Variants in ELF2 observed in about 807,000 individuals in gnomAD.
ELF2 encodes the protein E74 like ETS transcription factor 2.
ELF2 carries 11 observed loss-of-function variants against 54.8 expected under a neutral mutation model. The ratio of observed to expected loss-of-function variants is 0.20; its 90% CI spans 0.13 to 0.33. The LOEUF is 0.33. Ranked by LOEUF, ELF2 falls within the 10% of genes least tolerant of loss-of-function variation. The probability of loss-of-function intolerance (pLI) is 1.00; values close to 1 mark genes in which losing one functional copy is unlikely to be tolerated. For synonymous variants in ELF2, 203 were observed against 245.1 expected (o/e 0.83, Z 1.61); for missense variants, 513 against 703.0 (o/e 0.73, Z 3.06).
intron 4 of ELF2, among the ~76,000 whole-genome samples, chr4:139,095,573 T>TC (rs1320323990): frequency 6.6e-6 from 1 of 152,148 alleles, no homozygotes; most frequent in East Asian, 1.9e-4. Flanking sequence ...TTTAACAAAT[T>TC]TTTTTTAAAT....
At chr4:139,084,272 G>T in intron 4 of ELF2, 2 of 1,604,460 alleles carry the variant, frequency 1.2e-6, no homozygotes, top group Non-Finnish European at 1.7e-6. Flanking sequence ...GGAACCCGCG[G>T]CCGGAGACAC....
intron 4 of ELF2, among the ~76,000 whole-genome samples, chr4:139,082,295 C>A (rs970796992): frequency 6.6e-6 from 1 of 152,140 alleles, no homozygotes; most frequent in African/African-American, 2.4e-5. Flanking sequence ...CTTCACGTAT[C>A]GTTAGTACCA....
chr4:139,148,316 A>ATTTTTTTTTTTTT (rs772079635), intron 1 of ELF2, among the ~76,000 whole-genome samples: 1 of 64,532 alleles, frequency 1.5e-5, no homozygotes, highest in Non-Finnish European at 2.8e-5. Flanking sequence ...TACCTGGCTA[A>ATTTTTTTTTTTTT]TTTTTTTTTT....
chr4:139,159,654 T>A (rs570633122), intron 1 of ELF2, among the ~76,000 whole-genome samples: 1 of 152,140 alleles, frequency 6.6e-6, no homozygotes, highest in South Asian at 2.1e-4. Context: ...TGTCCTGAAA[T>A]GATGGGATCT....
chr4:139,059,521 G>A lies in ELF2; in HGVS notation c.1244C>T (p.Ala415Val), dbSNP rs772612721. The stretch of plus-strand genomic sequence containing the variant: ...AGTGCTGGTTATTAATGGTGCACCT[G>A]CATTAACTGACTGAACTGCCACAGT... ...ISTVAVQSVNAGAPLITSTSP... is the reference protein window; with the variant it reads ...ISTVAVQSVNVGAPLITSTSP... The change falls in exon 10 of 10, where the codon GCA (alanine) becomes GTA (valine). Residue 415 changes from alanine (A) to valine (V), a missense_variant. Transcript: ENST00000686138. 1 of 1,613,852 alleles carries A rather than the reference G, an allele frequency of 6.2e-7. No homozygotes were observed. The highest frequency in any genetic ancestry group is 2.2e-5 in the East Asian group (1 of 44,890).
intron 4 of ELF2, among the ~76,000 whole-genome samples, chr4:139,113,722 G>A (rs1735224496): frequency 6.6e-6 from 1 of 151,864 alleles, no homozygotes; most frequent in South Asian, 2.1e-4. Context: ...AGGCCTGGTG[G>A]TGGGCACCTG....
intron 1 of ELF2, among the ~76,000 whole-genome samples, chr4:139,159,709 G>A (rs1001815526): frequency 2.0e-5 from 3 of 152,176 alleles, no homozygotes; most frequent in Non-Finnish European, 4.4e-5. Flanking sequence ...ATCAGCGTAA[G>A]CCTTGACCTG....
intron 4 of ELF2, among the ~76,000 whole-genome samples, chr4:139,102,888 T>G (rs953132853): frequency 2.3e-5 from 3 of 131,648 alleles, no homozygotes; most frequent in Admixed American, 7.3e-5. Flanking sequence ...GACATAAATG[T>G]TTTTTTTTTT....
intron 4 of ELF2, among the ~76,000 whole-genome samples, chr4:139,099,499 A>C (rs1733647999): frequency 6.6e-6 from 1 of 152,344 alleles, no homozygotes; most frequent in Middle Eastern, 3.4e-3. Context: ...AATTCAGGTA[A>C]GTCAACTGAT....
intron 9 of ELF2, 100 bp downstream of exon 9, chr4:139,060,224 T>C: frequency 9.2e-7 from 1 of 1,083,722 alleles, no homozygotes; most frequent in Non-Finnish European, 1.3e-6. Context: ...CAACACTGGG[T>C]TCTTAGAACA....
chr4:139,086,461 A>G (rs1017200527), intron 4 of ELF2, among the ~76,000 whole-genome samples: 4 of 152,218 alleles, frequency 2.6e-5, no homozygotes, highest in Non-Finnish European at 5.9e-5. Flanking sequence ...TATTTCATAT[A>G]TTTTATACTA....
chr4:139,147,749 C>G (rs1242031735), intron 1 of ELF2, among the ~76,000 whole-genome samples: 1 of 150,844 alleles, frequency 6.6e-6, no homozygotes, highest in Non-Finnish European at 1.5e-5. Context: ...GCTGGGATTA[C>G]AGGCGTCAGC....
chr4:139,068,568 C>T (rs1026138272), intron 6 of ELF2, among the ~76,000 whole-genome samples: 5 of 152,174 alleles, frequency 3.3e-5, no homozygotes, highest in African/African-American at 7.2e-5. Flanking sequence ...CATGCAGATA[C>T]ATCACAAGGC....
intron 3 of ELF2, among the ~76,000 whole-genome samples, chr4:139,129,952 T>C (rs1737320868): frequency 6.6e-6 from 1 of 152,178 alleles, no homozygotes; most frequent in South Asian, 2.1e-4. Flanking sequence ...CCCAAAAAGA[T>C]GAAGTTTTAA....
At chr4:139,132,951 G>A (rs1737692154) in intron 3 of ELF2, among the ~76,000 whole-genome samples, 2 of 150,230 alleles carry the variant, frequency 1.3e-5, no homozygotes, top group Non-Finnish European at 3.0e-5. Context: ...GAGTGCAGTG[G>A]CGCAATCTCT....
intron 4 of ELF2, among the ~76,000 whole-genome samples, chr4:139,113,286 C>T (rs1427567553): frequency 6.6e-6 from 1 of 151,632 alleles, no homozygotes; most frequent in Non-Finnish European, 1.5e-5. Flanking sequence ...ACAGCCGGGA[C>T]AGTCAAGGCT....
chr4:139,160,157 GAAACCCTGTCTCTACTA>G (rs1740980999), intron 1 of ELF2, among the ~76,000 whole-genome samples: 1 of 152,200 alleles, frequency 6.6e-6, no homozygotes, highest in African/African-American at 2.4e-5. Flanking sequence ...CTAACACGGT[GAAACCCTGTCTCTACTA>G]AAAGTACAAA....
At chr4:139,170,886 C>T (rs939971768) in intron 1 of ELF2, among the ~76,000 whole-genome samples, 2 of 151,918 alleles carry the variant, frequency 1.3e-5, no homozygotes, top group Non-Finnish European at 2.9e-5. Context: ...GCTGAGATTA[C>T]AGGCATGCGC....
At chr4:139,123,009 CCT>C (rs919503498) in intron 4 of ELF2, among the ~76,000 whole-genome samples, 15 of 151,422 alleles carry the variant, frequency 9.9e-5, no homozygotes, top group African/African-American at 3.6e-4. Flanking sequence ...ATGGTGAAAC[CCT>C]GTCTCTACTA....
Sources: allele counts gnomAD v4.1 joint callset (sites outside exome capture counted in the v4.1 genomes callset), GRCh38; gene constraint gnomAD v4.1.1; transcripts MANE v1.5; gene names NCBI Gene and HGNC (gene_info 2026-07-23, HGNC 2026-07-21).